The following C1orf21 variants were observed in gnomAD, a reference collection of about 807,000 sequenced individuals.
C1orf21 encodes the protein chromosome 1 open reading frame 21.
Under a neutral mutation model 18.7 loss-of-function variants are expected in C1orf21, and 3 were observed. The observed-to-expected ratio is 0.16, with a 90% CI of 0.07 to 0.42. C1orf21 has a LOEUF of 0.42. Among genes scored for constraint, C1orf21 ranks in the 10% least tolerant of loss-of-function variants. C1orf21 has a pLI of 0.99. For missense variants in C1orf21, 104 were observed against 143.6 expected, an observed-to-expected ratio of 0.72 and a Z score of 1.41; for synonymous variants, 41 against 46.4, an observed-to-expected ratio of 0.88 and a Z score of 0.47.
chr1:184,537,760 C>T (rs879568780), intron 3 of C1orf21, among the ~76,000 whole-genome samples: 14 of 152,160 alleles, frequency 9.2e-5, no homozygotes, highest in Non-Finnish European at 1.9e-4. Context: ...AAGCTACTCT[C>T]CTGCCTCAGC....
chr1:184,490,651 T>C (rs563762954), intron 2 of C1orf21, among the ~76,000 whole-genome samples: 1 of 152,132 alleles, frequency 6.6e-6, no homozygotes, highest in African/African-American at 2.4e-5. Flanking sequence ...ACATAGACAA[T>C]GTAAGAATCA....
chr1:184,408,718 G>A (rs2101960570), intron 1 of C1orf21, among the ~76,000 whole-genome samples: 1 of 152,296 alleles, frequency 6.6e-6, no homozygotes, highest in Non-Finnish European at 1.5e-5. Context: ...AGGAATCTCT[G>A]ATAAGCTGCT....
chr1:184,447,230 G>T (rs900698073), intron 1 of C1orf21, among the ~76,000 whole-genome samples: 2 of 152,150 alleles, frequency 1.3e-5, no homozygotes, highest in African/African-American at 4.8e-5. Context: ...TGGCCTGTGG[G>T]TTCAGAGATG....
chr1:184,582,819 A>ATGTTTTTTTGTT (rs1252051703), intron 3 of C1orf21, among the ~76,000 whole-genome samples: 3 of 151,972 alleles, frequency 2.0e-5, no homozygotes, highest in East Asian at 3.9e-4. Context: ...GTTTGAGGGA[A>ATGTTTTTTTGTT]TGTTTTTTTG....
intron 2 of C1orf21, among the ~76,000 whole-genome samples, chr1:184,477,913 G>C (rs749982133): frequency 1.1e-3 from 163 of 152,260 alleles, no homozygotes; most frequent in Middle Eastern, 6.8e-3. Flanking sequence ...TCATTTTTGT[G>C]ACAGTGAATA....
chr1:184,511,593 T>C (rs953832939), intron 3 of C1orf21, among the ~76,000 whole-genome samples: 21 of 152,214 alleles, frequency 1.4e-4, no homozygotes, highest in African/African-American at 4.1e-4. Flanking sequence ...ATAGGCATAG[T>C]TGGGCCTATA....
chr1:184,487,920 G>C (rs1258053891), intron 2 of C1orf21, among the ~76,000 whole-genome samples: 1 of 152,204 alleles, frequency 6.6e-6, no homozygotes, highest in Admixed American at 6.5e-5. Context: ...CTTGGCACAT[G>C]ATAAGCACTG....
intron 2 of C1orf21, among the ~76,000 whole-genome samples, chr1:184,506,103 A>G (rs1282040221): frequency 6.6e-6 from 1 of 152,206 alleles, no homozygotes; most frequent in Middle Eastern, 3.2e-3. Flanking sequence ...ACTTGTTAAT[A>G]TATTTAGGAC....
intron 3 of C1orf21, chr1:184,567,257 C>T (rs1448480406): frequency 2.2e-6 from 1 of 462,608 alleles, no homozygotes; most frequent in Non-Finnish European, 4.4e-6. Context: ...GCTCCATGTT[C>T]AGAAGGAGAC....
At chr1:184,567,655 A>G in intron 3 of C1orf21, 1 of 400,206 alleles carries the variant, frequency 2.5e-6, no homozygotes, top group Non-Finnish European at 5.0e-6. Context: ...CAATGGCATC[A>G]CCAGCTTTGA....
chr1:184,410,667 T>TATATATATATAATATATATATATATA lies in C1orf21; in HGVS notation c.-125+23299_-125+23300insATATATATATAATATATATATATATA. Among the ~76,000 whole-genome samples, 2 of 32,016 alleles carry TATATATATATAATATATATATATATA rather than the reference T, an allele frequency of 6.2e-5. 1 individual carries two copies. The highest frequency in any genetic ancestry group is 1.3e-3 in the African/African-American group (2 of 1,520). The allele number at this position is 32,016 out of a possible 152,430, so 21.0% of individuals were successfully genotyped here. ...TATATATATATATATATATATATTT[T>TATATATATATAATATATATATATATA]TTTTTTTTTTTTTTGAGATGGAGTT... On this transcript the variant is annotated intron_variant, in intron 1 of 5. Transcript: ENST00000235307.
chr1:184,615,213 G>A (rs1571303379), intron 5 of C1orf21, among the ~76,000 whole-genome samples: 2 of 152,144 alleles, frequency 1.3e-5, no homozygotes, highest in Admixed American at 1.3e-4. Context: ...ACACTTCCAG[G>A]AGGATAATAA....
At chr1:184,425,955 T>C (rs929141410) in intron 1 of C1orf21, among the ~76,000 whole-genome samples, 2 of 152,240 alleles carry the variant, frequency 1.3e-5, no homozygotes, top group Non-Finnish European at 2.9e-5. Flanking sequence ...TCAGGGAGGC[T>C]ATAAAGAGAG....
intron 1 of C1orf21, among the ~76,000 whole-genome samples, chr1:184,397,066 C>T (rs1006053862): frequency 7.2e-5 from 11 of 152,174 alleles, no homozygotes; most frequent in African/African-American, 2.7e-4. Flanking sequence ...TTCTAGGGAA[C>T]CCCCGTGTTT....
chr1:184,556,969 C>G (rs1292640800), intron 3 of C1orf21, among the ~76,000 whole-genome samples: 3 of 152,178 alleles, frequency 2.0e-5, no homozygotes. Flanking sequence ...CCCAAAATGG[C>G]TGGTATTTTT....
intron 5 of C1orf21, chr1:184,599,509 AC>A (rs1302919493): frequency 6.6e-6 from 1 of 152,218 alleles, no homozygotes; most frequent in Non-Finnish European, 1.5e-5. Flanking sequence ...AGCAAAGGTC[AC>A]CAATGCGAAA....
At chr1:184,525,267 G>A (rs1658361723) in intron 3 of C1orf21, among the ~76,000 whole-genome samples, 2 of 152,026 alleles carry the variant, frequency 1.3e-5, no homozygotes, top group Non-Finnish European at 2.9e-5. Context: ...TTGACTTTCA[G>A]TGATAACATC....
chr1:184,501,720 C>G (rs1033015504), intron 2 of C1orf21, among the ~76,000 whole-genome samples: 3 of 152,102 alleles, frequency 2.0e-5, no homozygotes, highest in African/African-American at 7.2e-5. Context: ...GGGATAGTGC[C>G]CAGCACTTGA....
At chr1:184,472,061 C>T (rs774230203) in intron 1 of C1orf21, among the ~76,000 whole-genome samples, 1 of 152,034 alleles carries the variant, frequency 6.6e-6, no homozygotes, top group Non-Finnish European at 1.5e-5. Flanking sequence ...TCTTCCCCCT[C>T]GGTGGGCTGC....
Sources: allele counts gnomAD v4.1 joint callset (sites outside exome capture counted in the v4.1 genomes callset), GRCh38; gene constraint gnomAD v4.1.1; transcripts MANE v1.5; gene names NCBI Gene and HGNC (gene_info 2026-07-23, HGNC 2026-07-21).